DPP6: variants seen among roughly 807,000 people sequenced by gnomAD.
The protein encoded by DPP6 is A-type potassium channel modulatory protein DPP6.
DPP6 carries 69 observed loss-of-function variants against 122.6 expected under a neutral mutation model. The observed-to-expected ratio is 0.56, with a 90% confidence interval of 0.46 to 0.69. The LOEUF (loss-of-function observed/expected upper bound fraction) is 0.69, where lower values mean the gene tolerates loss of function less well. DPP6 is among the 30% of genes least tolerant of loss of function. The pLI, the probability that DPP6 is intolerant of heterozygous loss-of-function variation, is 0.00. For synonymous variants in DPP6, 418 were observed against 433.1 expected (o/e 0.97, Z 0.43); for missense variants, 928 against 1,116.9 (o/e 0.83, Z 2.41).
In DPP6 at chr7:154,489,349, A is replaced by C. The variant is rs148289422; in HGVS notation, c.457+14312A>C. ...CCTTTTGTGCAGGGCTGACACCCAT[A>C]TCCTATGCTCCCTTCGCAAGCTGAG... On this transcript the variant is annotated intron_variant, in intron 3 of 25. Transcript: ENST00000377770. 2.7e-3 allele frequency among the ~76,000 whole-genome samples: 407 copies of C among 152,290 alleles called. 2 individuals carry two copies. The Middle Eastern group carries it at 0.027, about 10-fold the overall frequency.
chr7:154,101,614 A>G (rs557689373), intron 1 of DPP6, among the ~76,000 whole-genome samples: 4 of 152,086 alleles, frequency 2.6e-5, no homozygotes, highest in Non-Finnish European at 4.4e-5. Flanking sequence ...TGTAACTAGG[A>G]TGTTGCATGG....
chr7:154,018,714 T>C (rs1028198442), intron 1 of DPP6, among the ~76,000 whole-genome samples: 6 of 152,256 alleles, frequency 3.9e-5, no homozygotes, highest in African/African-American at 1.4e-4. Flanking sequence ...CAAGGTGAAC[T>C]TGAACTCATT....
Position 154,566,828 on chromosome 7 carries a change from AT to A in DPP6, c.553-8del. 1 of 1,473,194 alleles carries A rather than the reference AT, an allele frequency of 6.8e-7. No individual in the cohort carries two copies. The highest frequency in any genetic ancestry group is 1.4e-5 in the African/African-American group (1 of 71,522). The allele number at this position is 1,473,194 out of a possible 1,614,324, so 91.3% of individuals were successfully genotyped here. A position where few individuals can be genotyped will look rare whatever the true frequency, so the allele number is the denominator to read the frequency against. On this transcript the variant is annotated splice_polypyrimidine_tract_variant and intron_variant, in intron 4 of 25. Transcript: ENST00000377770. ...TGTAATGCTTTAAAATTCTTTGTCT[AT>A]TTTTTCTTTTAGGAATCATTAAGAG...
At chr7:153,954,859 C>T (rs1439220756) in intron 1 of DPP6, among the ~76,000 whole-genome samples, 7 of 152,202 alleles carry the variant, frequency 4.6e-5, no homozygotes, top group Admixed American at 3.9e-4. Context: ...TAAATTTCTT[C>T]GTCTTTCTAA....
intron 4 of DPP6, among the ~76,000 whole-genome samples, chr7:154,549,505 C>A (rs1464180508): frequency 6.6e-6 from 1 of 152,070 alleles, no homozygotes; most frequent in Non-Finnish European, 1.5e-5. Context: ...GTTTACTTAG[C>A]GACAAGATGA....
chr7:154,721,467 T>A (rs909630691), intron 7 of DPP6, among the ~76,000 whole-genome samples: 1 of 152,132 alleles, frequency 6.6e-6, no homozygotes, highest in African/African-American at 2.4e-5. Flanking sequence ...ATAAAGCACT[T>A]TCGAAGTGTC....
chr7:153,981,086 A>G (rs1414296745), intron 1 of DPP6, among the ~76,000 whole-genome samples: 1 of 152,174 alleles, frequency 6.6e-6, no homozygotes, highest in African/African-American at 2.4e-5. Context: ...GCTGAGTTCA[A>G]GTCCTGAATA....
rs1311131625 is a variant in DPP6, at chr7:154,833,634, TG to T, written c.1667-20140del. Among the ~76,000 whole-genome samples, 66 of 152,088 alleles carry T rather than the reference TG, an allele frequency of 4.3e-4. No individual in the cohort carries two copies. Among genetic ancestry groups the T allele is most frequent in the African/African-American group, 1.6e-3 (66 of 41,486 alleles). ...CGACTCTGACTCCGTATCTCAGAGG[TG>T]GGGGGCTCTGGTCATTTGCACCAAT... is the stretch of plus-strand genomic sequence containing the variant. On this transcript the variant is annotated intron_variant, in intron 16 of 25. Coordinates refer to ENST00000377770, the MANE Select transcript of DPP6 (RefSeq NM_130797.4). The surrounding 1 kb of genome is among the most constrained non-coding windows in gnomAD (Gnocchi z 4.3).
chr7:153,809,946 A>G, the DPP6 span, among the ~76,000 whole-genome samples: 1 of 151,894 alleles, frequency 6.6e-6, no homozygotes, highest in African/African-American at 2.4e-5. Context: ...TCTCCCAAGG[A>G]GTATCTTTGT....
chr7:154,495,463 C>T (rs1048492780), intron 3 of DPP6, among the ~76,000 whole-genome samples: 1 of 151,496 alleles, frequency 6.6e-6, no homozygotes, highest in Non-Finnish European at 1.5e-5. Flanking sequence ...TGCAGTGGCT[C>T]ACTGCAACCT....
At chr7:154,004,017 A>G (rs1396386540) in intron 1 of DPP6, among the ~76,000 whole-genome samples, 1 of 152,166 alleles carries the variant, frequency 6.6e-6, no homozygotes, top group Non-Finnish European at 1.5e-5. Context: ...TGCAATTAAC[A>G]TGCTTAGATT....
Position 154,821,653 on chromosome 7 carries a change from T to TATATATACACATATATATACACACAC in DPP6, c.1666+14548_1666+14549insCACATATATATACACACACATATATA, listed in dbSNP as rs1554477670. Among the ~76,000 whole-genome samples the TATATATACACATATATATACACACAC allele has an allele frequency of 9.3e-6, 1 of 107,094 alleles. No homozygotes were observed. The highest frequency in any genetic ancestry group is 2.1e-5 in the Non-Finnish European group (1 of 48,268). 70.3% of individuals were successfully genotyped at this position (107,094 alleles called of 152,430 possible). A position where few individuals can be genotyped will look rare whatever the true frequency, so the allele number is the denominator to read the frequency against. On this transcript the variant is annotated intron_variant, in intron 16 of 25. Coordinates refer to ENST00000377770, the MANE Select transcript of DPP6 (RefSeq NM_130797.4). The surrounding 1 kb of genome is among the most constrained non-coding windows in gnomAD (Gnocchi z 4.2). ...GTATATATATATATATATACACATATATATATATATACACATATATATATA... is the reference window on the plus strand; with the variant it reads ...GTATATATATATATATATACACATATATATATACACATATATATACACACACATATATATATACACATATATATATA...
intron 1 of DPP6, among the ~76,000 whole-genome samples, chr7:154,431,812 C>T (rs950152666): frequency 6.6e-6 from 1 of 152,100 alleles, no homozygotes; most frequent in Admixed American, 6.6e-5. Context: ...GGATTACAGG[C>T]GAGAGCCACC....
At chr7:154,567,127 T>C (rs929572335) in intron 5 of DPP6, among the ~76,000 whole-genome samples, 7 of 152,170 alleles carry the variant, frequency 4.6e-5, no homozygotes, top group Non-Finnish European at 1.5e-5. Flanking sequence ...TCACATACTT[T>C]AGAGGCTCTT....
chr7:154,497,284 A>G (rs1053425967), intron 3 of DPP6, among the ~76,000 whole-genome samples: 1 of 152,104 alleles, frequency 6.6e-6, no homozygotes, highest in African/African-American at 2.4e-5. Context: ...GAAGGTGAGA[A>G]GAAGGGAGTG....
chr7:153,939,337 A>T (rs1281914774), intron 1 of DPP6, among the ~76,000 whole-genome samples: 4 of 152,238 alleles, frequency 2.6e-5, no homozygotes, highest in Non-Finnish European at 4.4e-5. Context: ...CCAAGAATTA[A>T]TCTCTTATTC....
chr7:153,953,775 CACAT>C (rs781399039), intron 1 of DPP6, among the ~76,000 whole-genome samples: 11 of 151,938 alleles, frequency 7.2e-5, no homozygotes, highest in Admixed American at 2.0e-4. Flanking sequence ...CGTAGACACA[CACAT>C]ACACACAAAG....
rs77891669 is a variant in DPP6 at position 154,241,783 on chromosome 7, G to A, written c.243+188720G>A. 0.096 allele frequency among the ~76,000 whole-genome samples: 14,618 copies of A among 152,058 alleles called. 912 individuals carry two copies. The highest frequency in any genetic ancestry group is 0.14 in the South Asian group (681 of 4,808). On this transcript the variant is annotated intron_variant, in intron 1 of 25. Transcript: ENST00000377770. This position sits in a 1 kb window ranked among gnomAD's most constrained non-coding sequence, Gnocchi z 9.0. Reference sequence around the variant, plus strand: ...AGTTTAAAAAGATTGTCTGCCGACCGAAAAAGTTTATGTCAAAACTACAGA... The same window carrying A: ...AGTTTAAAAAGATTGTCTGCCGACCAAAAAAGTTTATGTCAAAACTACAGA...
At chr7:154,709,194 AGTTGATTTGTGTATGTTT>A (rs1841011479) in intron 7 of DPP6, among the ~76,000 whole-genome samples, 3 of 152,222 alleles carry the variant, frequency 2.0e-5, no homozygotes, top group Non-Finnish European at 4.4e-5. Context: ...AATACAACAA[AGTTGATTTGTGTATGTTT>A]TGTAGAGACA....
Sources: gnomAD v4.1 joint callset for allele counts (sites outside exome capture counted in the v4.1 genomes callset) on GRCh38, gnomAD v4.1.1 for gene constraint, Gnocchi (gnomAD v3.1) non-coding constraint, MANE v1.5 for transcripts, NCBI Gene and HGNC (gene_info 2026-07-23, HGNC 2026-07-21) for gene names.